LINGO2: variants seen among roughly 807,000 people sequenced by gnomAD.
The protein encoded by LINGO2 is leucine-rich repeat and immunoglobulin-like domain-containing nogo receptor-interacting protein 2.
In LINGO2, 14 loss-of-function variants were observed where a neutral mutation model predicts 30.6. The ratio of observed to expected loss-of-function variants is 0.46; its 90% CI spans 0.30 to 0.72. The LOEUF (loss-of-function observed/expected upper bound fraction) is 0.72, where lower values mean the gene tolerates loss of function less well. LINGO2 is among the 30% of genes least tolerant of loss of function. The probability of loss-of-function intolerance (pLI) is 0.07; values close to 1 mark genes in which losing one functional copy is unlikely to be tolerated. For missense variants in LINGO2, 729 were observed against 751.7 expected, an observed-to-expected ratio of 0.97 and a Z score of 0.35; for synonymous variants, 317 against 288.5, an observed-to-expected ratio of 1.10 and a Z score of -1.00.
the LINGO2 span, among the ~76,000 whole-genome samples, chr9:28,967,544 T>C: frequency 2.0e-5 from 3 of 152,154 alleles, no homozygotes. Context: ...AGAGAGAAGC[T>C]AGTTGCATGG....
chr9:28,759,296 A>T, the LINGO2 span, among the ~76,000 whole-genome samples: 1,039 of 152,218 alleles, frequency 6.8e-3, 19 homozygotes, highest in African/African-American at 0.02. Context: ...TAAAAGCTGT[A>T]CCATGTCATT....
intron 4 of LINGO2, among the ~76,000 whole-genome samples, chr9:28,045,824 G>T (rs566471699): frequency 1.3e-5 from 2 of 152,212 alleles, no homozygotes; most frequent in African/African-American, 4.8e-5. Flanking sequence ...AAGCGGCAAG[G>T]GAATTCAACA....
chr9:28,119,856 C>A (rs897925285), intron 4 of LINGO2, among the ~76,000 whole-genome samples: 1 of 152,120 alleles, frequency 6.6e-6, no homozygotes, highest in African/African-American at 2.4e-5. Context: ...AATAAACAAG[C>A]ACAAAAACAC....
At chr9:28,331,864 C>T (rs1825431912) in intron 3 of LINGO2, among the ~76,000 whole-genome samples, 1 of 152,160 alleles carries the variant, frequency 6.6e-6, no homozygotes, top group Non-Finnish European at 1.5e-5. Context: ...TGCTGATCAC[C>T]TTGCACATGT....
At chr9:29,156,100 A>G in the LINGO2 span, among the ~76,000 whole-genome samples, 2 of 152,120 alleles carry the variant, frequency 1.3e-5, no homozygotes, top group African/African-American at 4.8e-5. Flanking sequence ...TACTGCTACT[A>G]TAGATTGCTC....
chr9:28,578,793 C>A (rs1824116205), intron 1 of LINGO2, among the ~76,000 whole-genome samples: 1 of 152,008 alleles, frequency 6.6e-6, no homozygotes, highest in Admixed American at 6.6e-5. Context: ...TGCTAGTTAG[C>A]CCTGAAGGAC....
intron 2 of LINGO2, among the ~76,000 whole-genome samples, chr9:28,392,073 C>T (rs955213784): frequency 1.6e-4 from 24 of 152,216 alleles, no homozygotes; most frequent in African/African-American, 5.5e-4. Flanking sequence ...CGTGATGGCA[C>T]GTGCCTGTAG....
chr9:28,798,795 T>A, the LINGO2 span, among the ~76,000 whole-genome samples: 22,381 of 152,028 alleles, frequency 0.15, 1,847 homozygotes, highest in East Asian at 0.33. Flanking sequence ...CAAAAGCAAG[T>A]GAATGGCACA....
At chr9:28,805,455 C>G in the LINGO2 span, among the ~76,000 whole-genome samples, 2 of 152,148 alleles carry the variant, frequency 1.3e-5, no homozygotes, top group Non-Finnish European at 2.9e-5. Context: ...CTATATCTAT[C>G]TAATTCCATG....
chr9:28,843,081 C>A, the LINGO2 span, among the ~76,000 whole-genome samples: 1 of 151,894 alleles, frequency 6.6e-6, no homozygotes, highest in Non-Finnish European at 1.5e-5. Flanking sequence ...AAGACAAATT[C>A]TGATTAAGGC....
chr9:28,031,739 C>T (rs888342417), intron 4 of LINGO2, among the ~76,000 whole-genome samples: 1 of 152,196 alleles, frequency 6.6e-6, no homozygotes, highest in African/African-American at 2.4e-5. Context: ...CCTGGGAGAC[C>T]TCTGCCAGCT....
intron 2 of LINGO2, among the ~76,000 whole-genome samples, chr9:28,400,981 A>G (rs10812805): frequency 0.11 from 16,911 of 152,152 alleles, 996 homozygotes; most frequent in East Asian, 0.21. Flanking sequence ...TTTCATGGAC[A>G]TTGAATCAAG....
chr9:28,290,194 T>C (rs1171548576), intron 4 of LINGO2, among the ~76,000 whole-genome samples: 1 of 152,190 alleles, frequency 6.6e-6, no homozygotes, highest in African/African-American at 2.4e-5. Context: ...TGAACCCAAG[T>C]TGGGTTGACT....
At chr9:29,035,287 T>C in the LINGO2 span, among the ~76,000 whole-genome samples, 3 of 152,070 alleles carry the variant, frequency 2.0e-5, no homozygotes, top group African/African-American at 7.2e-5. Context: ...TGTGGTCATT[T>C]ATCTTATTTA....
intron 4 of LINGO2, among the ~76,000 whole-genome samples, chr9:28,046,872 A>C (rs1587762126): frequency 1.3e-5 from 2 of 152,112 alleles, no homozygotes; most frequent in African/African-American, 4.8e-5. Context: ...TGTATCTATT[A>C]ACACAGGATT....
At chr9:28,240,696 G>GA (rs1377283387) in intron 4 of LINGO2, among the ~76,000 whole-genome samples, 1 of 152,088 alleles carries the variant, frequency 6.6e-6, no homozygotes, top group African/African-American at 2.4e-5. Context: ...ACTAGTAAAA[G>GA]AAAACCTTGG....
the LINGO2 span, among the ~76,000 whole-genome samples, chr9:28,731,240 C>T: frequency 3.3e-5 from 5 of 152,168 alleles, no homozygotes; most frequent in Non-Finnish European, 4.4e-5. Flanking sequence ...CCACCCGCCT[C>T]GGCCTCCCAA....
At chr9:28,827,484 G>T in the LINGO2 span, among the ~76,000 whole-genome samples, 1 of 152,028 alleles carries the variant, frequency 6.6e-6, no homozygotes, top group South Asian at 2.1e-4. Context: ...TTTAAAATGG[G>T]TATAATTGTA....
At chr9:27,964,821 C>T (rs1338046533) in intron 5 of LINGO2, among the ~76,000 whole-genome samples, 5 of 152,050 alleles carry the variant, frequency 3.3e-5, no homozygotes, top group African/African-American at 1.2e-4. Context: ...AATCTCCATT[C>T]TGGCTTGTTG....
Sources: allele counts gnomAD v4.1 joint callset (sites outside exome capture counted in the v4.1 genomes callset), GRCh38; gene constraint gnomAD v4.1.1; transcripts MANE v1.5; gene names NCBI Gene and HGNC (gene_info 2026-07-23, HGNC 2026-07-21).